Variants in PAPLN observed in about 807,000 individuals in gnomAD.
PAPLN encodes papilin.
PAPLN carries 146 observed loss-of-function variants against 159.0 expected under a neutral mutation model. The observed-to-expected ratio is 0.92, with a 90% confidence interval of 0.80 to 1.05. The LOEUF (loss-of-function observed/expected upper bound fraction) is 1.05. PAPLN is among the 50% of genes least tolerant of loss of function. The probability of loss-of-function intolerance (pLI) is 0.00; values close to 1 mark genes in which losing one functional copy is unlikely to be tolerated. For missense variants in PAPLN, 1,720 were observed against 1,743.9 expected, an observed-to-expected ratio of 0.99 and a Z score of 0.24; for synonymous variants, 734 against 702.9, an observed-to-expected ratio of 1.04 and a Z score of -0.70.
Position 73,245,606 on chromosome 14 carries a change from T to G in PAPLN, c.171-30T>G. ...CGGGGGCAGGGACGTTGGGTCTCGGTCAGGTCTTCCCGGTGCTCTGGTCCC... is the reference window on the plus strand; with the variant it reads ...CGGGGGCAGGGACGTTGGGTCTCGGGCAGGTCTTCCCGGTGCTCTGGTCCC... On this transcript the variant is annotated intron_variant, in intron 3 of 26. Coordinates refer to ENST00000644200, the MANE Select transcript of PAPLN (RefSeq NM_001365906.3). This position sits in a 1 kb window ranked among gnomAD's most constrained non-coding sequence, Gnocchi z 4.2. 6.5e-7 allele frequency: 1 copy of G among 1,550,384 alleles called. No individual in the cohort carries two copies.
At chr14:73,258,720 C>G (rs1489990208) in intron 14 of PAPLN, among the ~76,000 whole-genome samples, 1 of 151,834 alleles carries the variant, frequency 6.6e-6, no homozygotes, top group African/African-American at 2.4e-5. Context: ...CATGATCACC[C>G]TACTGCATCT....
chr14:73,247,817 T>C (rs1884662725), intron 5 of PAPLN, among the ~76,000 whole-genome samples: 2 of 113,372 alleles, frequency 1.8e-5, no homozygotes, highest in Admixed American at 2.3e-4. Context: ...TGTGTGTGTG[T>C]GTGTGTGTGT....
Position 73,255,007 on chromosome 14 carries a change from A to G in PAPLN, c.1616A>G (p.His539Arg), listed in dbSNP as rs1183508447. Residue 539 changes from histidine (H) to arginine (R), a missense_variant, in exon 14 of 27, where the codon CAT becomes CGT. By Grantham distance (29) the His-to-Arg change is conservative. Coordinates refer to ENST00000644200, the MANE Select transcript of PAPLN (RefSeq NM_001365906.3). ...GAGCCTTGTAACACGCAGCCCTGTC[A>G]TCTCCCCCAGGGTAAGGACAGGAGG... is the stretch of plus-strand genomic sequence containing the variant. The part of the protein sequence containing the change: ...DVEPCNTQPC[H>R]LPQEVPSMQD... 1 of 1,613,100 alleles carries G rather than the reference A, an allele frequency of 6.2e-7. No homozygotes were observed. Among genetic ancestry groups the G allele is most frequent in the East Asian group, 2.2e-5 (1 of 44,834 alleles).
intron 5 of PAPLN, among the ~76,000 whole-genome samples, chr14:73,246,397 A>ATTTT (rs531973214): frequency 1.2e-5 from 1 of 84,654 alleles, no homozygotes; most frequent in Non-Finnish European, 2.3e-5. Flanking sequence ...TACCCGACCA[A>ATTTT]TTTTTTTTTT....
rs546085080 is a variant in PAPLN, at chr14:73,259,215, T to C, written c.1709-54T>C. 1.2e-5 allele frequency: 19 copies of C among 1,524,904 alleles called. No individual in the cohort carries two copies. In the East Asian group the frequency reaches 4.4e-4, roughly 35 times the overall value. 94.5% of individuals were successfully genotyped at this position (1,524,904 alleles called of 1,614,324 possible). A position where few individuals can be genotyped will look rare whatever the true frequency, so the allele number is the denominator to read the frequency against. On this transcript the variant is annotated intron_variant, in intron 15 of 26. Transcript: ENST00000644200. ...AAGGTGGGTCCAACGTGGACAGGGGTGGAGGGGAGGAGCCAGGTGGACGCA... is the reference window on the plus strand; with the variant it reads ...AAGGTGGGTCCAACGTGGACAGGGGCGGAGGGGAGGAGCCAGGTGGACGCA...
At chr14:73,263,295 T>G (rs1033845197) in intron 19 of PAPLN, 9 of 390,256 alleles carry the variant, frequency 2.3e-5, no homozygotes, top group Admixed American at 1.2e-4. Context: ...AAAACAAAAT[T>G]AAAAGCGTTG....
At chr14:73,264,751 G>C (rs767011623) in intron 22 of PAPLN, 25 bp downstream of exon 22, 3 of 1,611,188 alleles carry the variant, frequency 1.9e-6, no homozygotes, top group Non-Finnish European at 1.7e-6. Flanking sequence ...ATGCCATCTT[G>C]CCCTCCCCCA....
chr14:73,262,827 G>T lies in PAPLN; in HGVS notation c.2723G>T (p.Arg908Met). The T allele has an allele frequency of 6.8e-7, 1 of 1,469,986 alleles. No individual in the cohort carries two copies. Among genetic ancestry groups the T allele is most frequent in the Non-Finnish European group, 9.0e-7 (1 of 1,112,822 alleles). The allele number at this position is 1,469,986 out of a possible 1,614,324, so 91.1% of individuals were successfully genotyped here. ...PAPPFHSSSY[R>M]ISLAGVEPSL... ...CCACCCTTCCACAGCTCCTCCTACAGGTGAGGCCCACCTTCCCCAGGTGAG... is the reference window on the plus strand; with the variant it reads ...CCACCCTTCCACAGCTCCTCCTACATGTGAGGCCCACCTTCCCCAGGTGAG... The change falls in exon 19 of 27, where the codon AGG (arginine) becomes ATG (methionine). Residue 908 changes from arginine (R) to methionine (M), a missense_variant and splice_region_variant. Physicochemically the swap from Arg to Met is moderately conservative, Grantham distance 91 (BLOSUM62 -1). Transcript: ENST00000644200.
In PAPLN at chr14:73,246,203, G is replaced by A. The variant is rs768080899; in HGVS notation, c.334+28G>A. 5.2e-6 allele frequency: 8 copies of A among 1,542,596 alleles called. No individual in the cohort carries two copies. The Admixed American group carries it at 6.3e-5, about 12-fold the overall frequency. ...GAGCGCGGCCGGGACTCGCTCTCTC[G>A]GGGCCTCTTGTATACCTACGTTGAT... On this transcript the variant is annotated intron_variant, in intron 5 of 26. Coordinates refer to ENST00000644200, the MANE Select transcript of PAPLN (RefSeq NM_001365906.3).
intron 10 of PAPLN, among the ~76,000 whole-genome samples, 191 bp from the exon 11 acceptor site, chr14:73,252,458 A>T (rs1205011120): frequency 6.6e-6 from 1 of 152,116 alleles, no homozygotes; most frequent in African/African-American, 2.4e-5. Flanking sequence ...GGGCTCTCTC[A>T]CAGCAAAAAC....
chr14:73,259,211 G>A, intron 15 of PAPLN, 58 bp from the exon 16 acceptor site: 2 of 1,528,754 alleles, frequency 1.3e-6, no homozygotes, highest in East Asian at 4.6e-5. Context: ...AACGTGGACA[G>A]GGGTGGAGGG....
rs772216502 is a variant in PAPLN, at chr14:73,250,993, C to T, written c.552C>T (p.Pro184=). The stretch of plus-strand genomic sequence containing the variant: ...GGGGTGACGGCACGACCTGCTACCC[C>T]GTCGCAGGCACCTTTGACGCTAATG... ...RCGGDGTTCY[P]VAGTFDANDL... is the part of the protein sequence containing the mutation. Residue 184 remains proline, a synonymous_variant, in exon 7 of 27, where the codon CCC becomes CCT. Transcript: ENST00000644200. 32 of 1,613,412 alleles carry T rather than the reference C, an allele frequency of 2.0e-5. No individual in the cohort carries two copies. The highest frequency in any genetic ancestry group is 8.8e-5 in the South Asian group (8 of 91,054).
rs770460941 is a variant in PAPLN at position 73,265,342 on chromosome 14, CT to C, written c.3126-27del. 5 of 1,601,986 alleles carry C rather than the reference CT, an allele frequency of 3.1e-6. No individual in the cohort carries two copies. Among genetic ancestry groups the C allele is most frequent in the Non-Finnish European group, 4.2e-6 (5 of 1,177,364 alleles). Reference sequence around the variant, plus strand: ...TAGGCGGGGGCAACGGCAAGGGCCCCTCATGCTGTGGGCTGCTTGTTTGGCA... The same window carrying C: ...TAGGCGGGGGCAACGGCAAGGGCCCCCATGCTGTGGGCTGCTTGTTTGGCA... On this transcript the variant is annotated intron_variant, in intron 22 of 26. Coordinates refer to ENST00000644200, the MANE Select transcript of PAPLN (RefSeq NM_001365906.3). The surrounding 1 kb of genome is among the most constrained non-coding windows in gnomAD (Gnocchi z 4.1).
chr14:73,262,912 G>C, intron 19 of PAPLN, 85 bp downstream of exon 19: 1 of 1,212,868 alleles, frequency 8.2e-7, no homozygotes, highest in Non-Finnish European at 1.1e-6. Flanking sequence ...GAAGTCAGCC[G>C]GCCCTCCCTC....
rs1884086084 is a variant in PAPLN, at chr14:73,245,259, A to AT, written c.171-376dup. The AT allele has an allele frequency of 4.3e-6, 1 of 235,030 alleles. No individual in the cohort carries two copies. Among genetic ancestry groups the AT allele is most frequent in the Non-Finnish European group, 8.5e-6 (1 of 117,866 alleles). 14.6% of individuals were successfully genotyped at this position (235,030 alleles called of 1,614,324 possible). A position where few individuals can be genotyped will look rare whatever the true frequency, so the allele number is the denominator to read the frequency against. On this transcript the variant is annotated intron_variant, in intron 3 of 26. Transcript: ENST00000644200. The surrounding 1 kb of genome is among the most constrained non-coding windows in gnomAD (Gnocchi z 4.2). ...TCCTGAGAACCCTATGTGAGGAGGA[A>AT]TGAGAGACCAGGAATGATCCTAAGA...
At position 73,265,283 on chromosome 14, in the gene PAPLN, G is replaced by A. The variant is rs1887097284; in HGVS notation, c.3126-87G>A. On this transcript the variant is annotated intron_variant, in intron 22 of 26. Coordinates refer to ENST00000644200, the MANE Select transcript of PAPLN (RefSeq NM_001365906.3). The surrounding 1 kb of genome is among the most constrained non-coding windows in gnomAD (Gnocchi z 4.1). ...TGAATCTGGCTGGAGAGGGAGAAGG[G>A]GCCACCAGGCTTGTGCAGAGGTGCC... The A allele has an allele frequency of 1.3e-6, 2 of 1,530,380 alleles. No individual in the cohort carries two copies. Among genetic ancestry groups the A allele is most frequent in the South Asian group, 2.5e-5 (2 of 81,074 alleles). The allele number at this position is 1,530,380 out of a possible 1,614,324, so 94.8% of individuals were successfully genotyped here.
Position 73,264,315 on chromosome 14 carries a change from A to T in PAPLN, c.2966A>T (p.Lys989Met). Reference sequence around the variant, plus strand: ...ACCCGGCCAGGCCGCGACTCCCAGAAGATCCAACTTCGCATCATAGGTCTC... The same window carrying T: ...ACCCGGCCAGGCCGCGACTCCCAGATGATCCAACTTCGCATCATAGGTCTC... ...GSTRPGRDSQKIQLRIIGGDM... is the reference protein window; with the variant it reads ...GSTRPGRDSQMIQLRIIGGDM... Residue 989 changes from lysine (K) to methionine (M), a missense_variant, in exon 21 of 27, where the codon AAG becomes ATG. Lys to Met is a moderately conservative substitution (Grantham distance 95). Transcript: ENST00000644200. 1 of 1,613,954 alleles carries T rather than the reference A, an allele frequency of 6.2e-7. No individual in the cohort carries two copies. Among genetic ancestry groups the T allele is most frequent in the Non-Finnish European group, 8.5e-7 (1 of 1,179,984 alleles).
At chr14:73,249,706 G>C (rs934895489) in intron 5 of PAPLN, 1 of 161,366 alleles carries the variant, frequency 6.2e-6, no homozygotes, top group East Asian at 1.7e-4. Flanking sequence ...GTAGCCTGTT[G>C]TAACCACCTC....
At chr14:73,239,592 C>T (rs1883311330) in intron 1 of PAPLN, 181 bp from the exon 2 acceptor site, 2 of 1,234,618 alleles carry the variant, frequency 1.6e-6, no homozygotes, top group Admixed American at 3.6e-5. Context: ...CATGTTGAGC[C>T]GCCCGGCGGG....
Sources: gnomAD v4.1 joint callset for allele counts (sites outside exome capture counted in the v4.1 genomes callset) on GRCh38, gnomAD v4.1.1 for gene constraint, Gnocchi (gnomAD v3.1) non-coding constraint, MANE v1.5 for transcripts, NCBI Gene and HGNC (gene_info 2026-07-23, HGNC 2026-07-21) for gene names.